Variants in PTPRG observed in about 807,000 individuals in gnomAD.
PTPRG encodes the protein protein tyrosine phosphatase receptor type G.
PTPRG carries 102 observed loss-of-function variants against 165.3 expected under a neutral mutation model. The ratio of observed to expected loss-of-function variants is 0.62; its 90% CI spans 0.53 to 0.73. The LOEUF (loss-of-function observed/expected upper bound fraction) is 0.73, where lower values mean the gene tolerates loss of function less well. Ranked by LOEUF, PTPRG falls within the 30% of genes least tolerant of loss-of-function variation. The probability of loss-of-function intolerance (pLI) is 0.00; values close to 1 mark genes in which losing one functional copy is unlikely to be tolerated. For missense variants in PTPRG, 1,866 were observed against 1,861.4 expected (o/e 1.00, Z -0.05); for synonymous variants, 675 against 669.5 (o/e 1.01, Z -0.13).
intron 5 of PTPRG, among the ~76,000 whole-genome samples, chr3:62,106,197 A>C (rs1702467238): frequency 6.6e-6 from 1 of 152,180 alleles, no homozygotes; most frequent in African/African-American, 2.4e-5. Flanking sequence ...TTTTGCCATC[A>C]TGGAAACAGA....
chr3:62,170,054 A>G (rs1394195137), intron 8 of PTPRG, among the ~76,000 whole-genome samples: 2 of 152,104 alleles, frequency 1.3e-5, no homozygotes, highest in Non-Finnish European at 1.5e-5. Flanking sequence ...GTTTGAGGTT[A>G]GTGAGGAGAA....
chr3:62,239,065 T>C (rs1701096288), intron 14 of PTPRG, among the ~76,000 whole-genome samples: 1 of 152,154 alleles, frequency 6.6e-6, no homozygotes, highest in Non-Finnish European at 1.5e-5. Flanking sequence ...TGGGGAATCA[T>C]TGGATTATAC....
At chr3:61,693,222 A>G (rs1004282158) in intron 1 of PTPRG, among the ~76,000 whole-genome samples, 1 of 152,230 alleles carries the variant, frequency 6.6e-6, no homozygotes, top group African/African-American at 2.4e-5. Context: ...ATGAGAAATT[A>G]TGAATTTAAT....
intron 2 of PTPRG, among the ~76,000 whole-genome samples, chr3:61,791,058 A>G (rs746636012): frequency 6.6e-6 from 1 of 152,210 alleles, no homozygotes; most frequent in Non-Finnish European, 1.5e-5. Context: ...AGTCTAATCA[A>G]TGGTTGCCGT....
chr3:62,182,704 G>A (rs529577406), intron 8 of PTPRG, among the ~76,000 whole-genome samples: 1 of 152,376 alleles, frequency 6.6e-6, no homozygotes, highest in South Asian at 2.1e-4. Context: ...TCTGTCGCCA[G>A]GCTGGAGTGC....
rs112748417 is a variant in PTPRG, at chr3:61,619,420, G to C, written c.85+57048G>C. On this transcript the variant is annotated intron_variant, in intron 1 of 29. Transcript: ENST00000474889. ...TTTGGCAATGTCTGGAAGCATTTTCGACTGTCAGGACTGGGAGGATGGTGC... is the reference window on the plus strand; with the variant it reads ...TTTGGCAATGTCTGGAAGCATTTTCCACTGTCAGGACTGGGAGGATGGTGC... 7.8e-3 allele frequency among the ~76,000 whole-genome samples: 1,189 copies of C among 152,220 alleles called. 18 individuals are homozygous for C. Among genetic ancestry groups the C allele is most frequent in the African/African-American group, 0.027 (1,128 of 41,530 alleles).
chr3:62,273,901 G>T lies in PTPRG; in HGVS notation c.3465+57G>T. ...AGCAAGAAAATGTTTTAAATGCCTT[G>T]AGTTTGGGGGTTATGTCTTCTTTGC... is the stretch of plus-strand genomic sequence containing the variant. On this transcript the variant is annotated intron_variant, in intron 23 of 29. Coordinates refer to ENST00000474889, the MANE Select transcript of PTPRG (RefSeq NM_002841.4). This position sits in a 1 kb window ranked among gnomAD's most constrained non-coding sequence, Gnocchi z 4.1. 1 of 1,545,974 alleles carries T rather than the reference G, an allele frequency of 6.5e-7. No homozygotes were observed. Among genetic ancestry groups the T allele is most frequent in the South Asian group, 1.2e-5 (1 of 86,878 alleles).
chr3:61,599,853 C>T (rs898248071), intron 1 of PTPRG, among the ~76,000 whole-genome samples: 4 of 151,860 alleles, frequency 2.6e-5, no homozygotes, highest in African/African-American at 9.7e-5. Flanking sequence ...GTTGTAAAGG[C>T]TTTATAATAG....
chr3:61,884,679 T>C (rs1419492015), intron 2 of PTPRG, among the ~76,000 whole-genome samples: 1 of 152,192 alleles, frequency 6.6e-6, no homozygotes, highest in Non-Finnish European at 1.5e-5. Flanking sequence ...GTCCACATAA[T>C]TGGAATGATA....
At chr3:61,800,724 A>G (rs1331968968) in intron 2 of PTPRG, among the ~76,000 whole-genome samples, 1 of 151,122 alleles carries the variant, frequency 6.6e-6, no homozygotes, top group Non-Finnish European at 1.5e-5. Flanking sequence ...GCTTACTGCA[A>G]CCTCTGCCTC....
intron 4 of PTPRG, among the ~76,000 whole-genome samples, chr3:62,065,889 C>T (rs892468119): frequency 6.6e-6 from 1 of 152,182 alleles, no homozygotes; most frequent in African/African-American, 2.4e-5. Context: ...CCCAAGGACA[C>T]TAAAGGGTGT....
rs574879315 is a variant in PTPRG at position 61,894,841 on chromosome 3, A to AT, written c.191-94773dup. On this transcript the variant is annotated intron_variant, in intron 2 of 29. Transcript: ENST00000474889. ...GCTCTAAGTTATTAATCTTGCTTTT[A>AT]TTTTTTTTTTTAATTGTATGTTAGC... Among the ~76,000 whole-genome samples the AT allele has an allele frequency of 3.4e-3, 497 of 147,758 alleles. 3 individuals carry two copies. Among genetic ancestry groups the AT allele is most frequent in the African/African-American group, 0.011 (454 of 40,428 alleles).
At chr3:61,688,573 G>A (rs922434678) in intron 1 of PTPRG, among the ~76,000 whole-genome samples, 1 of 152,212 alleles carries the variant, frequency 6.6e-6, no homozygotes, top group African/African-American at 2.4e-5. Flanking sequence ...TGGTGGATTG[G>A]AGCAGGCAAA....
chr3:61,657,995 C>A (rs1203675589), intron 1 of PTPRG, among the ~76,000 whole-genome samples: 18 of 152,104 alleles, frequency 1.2e-4, no homozygotes, highest in Non-Finnish European at 2.4e-4. Flanking sequence ...ATGGTGCTTC[C>A]CTACACACTG....
chr3:61,899,498 C>A (rs1397818399), intron 2 of PTPRG, among the ~76,000 whole-genome samples: 1 of 152,098 alleles, frequency 6.6e-6, no homozygotes, highest in Non-Finnish European at 1.5e-5. Flanking sequence ...TTAAAAGGCC[C>A]CTTCAGGAGA....
intron 1 of PTPRG, among the ~76,000 whole-genome samples, chr3:61,653,960 G>A (rs1033956776): frequency 6.6e-6 from 1 of 152,142 alleles, no homozygotes. Context: ...CATCTGTTAG[G>A]TGTCTTTTTT....
intron 3 of PTPRG, among the ~76,000 whole-genome samples, chr3:62,002,194 T>G (rs1022357347): frequency 6.6e-6 from 1 of 152,216 alleles, no homozygotes; most frequent in African/African-American, 2.4e-5. Flanking sequence ...TGAAACTAAT[T>G]GCAGTATTCT....
At chr3:61,808,223 C>G (rs2035472903) in intron 2 of PTPRG, among the ~76,000 whole-genome samples, 1 of 152,126 alleles carries the variant, frequency 6.6e-6, no homozygotes. Flanking sequence ...TTACTGGAAA[C>G]TAAAGCCAGA....
intron 2 of PTPRG, chr3:61,753,612 TC>T: frequency 2.4e-6 from 1 of 420,568 alleles, no homozygotes; most frequent in Non-Finnish European, 4.7e-6. Context: ...GGAGATTGGA[TC>T]TTGCTCTTTC....
Sources: gnomAD v4.1 joint callset for allele counts (sites outside exome capture counted in the v4.1 genomes callset) on GRCh38, gnomAD v4.1.1 for gene constraint, Gnocchi (gnomAD v3.1) non-coding constraint, MANE v1.5 for transcripts, NCBI Gene and HGNC (gene_info 2026-07-23, HGNC 2026-07-21) for gene names.